The following CUBN variants were observed in gnomAD, a reference collection of about 807,000 sequenced individuals.
CUBN encodes cubilin.
In CUBN, 282 loss-of-function variants were observed where a neutral mutation model predicts 405.3. The observed-to-expected ratio is 0.70, with a 90% CI of 0.63 to 0.77. The LOEUF is 0.77. CUBN is among the 30% of genes least tolerant of loss of function. The probability of loss-of-function intolerance (pLI) is 0.00; values close to 1 mark genes in which losing one functional copy is unlikely to be tolerated. For synonymous variants in CUBN, 1,684 were observed against 1,617.0 expected, an observed-to-expected ratio of 1.04 and a Z score of -0.99; for missense variants, 4,514 against 4,475.2, an observed-to-expected ratio of 1.01 and a Z score of -0.25.
At chr10:16,840,615 C>T in intron 61 of CUBN, 80 bp from the exon 62 acceptor site, 2 of 1,177,728 alleles carry the variant, frequency 1.7e-6, no homozygotes, top group Non-Finnish European at 1.2e-6. Context: ...TCTGTCTTCC[C>T]TGCCTCCCAC....
chr10:16,862,193 C>CACAT (rs1448517605), intron 59 of CUBN, among the ~76,000 whole-genome samples: 2 of 151,036 alleles, frequency 1.3e-5, no homozygotes, highest in Non-Finnish European at 3.0e-5. Flanking sequence ...CACACACACA[C>CACAT]ATCACATCCC....
intron 12 of CUBN, among the ~76,000 whole-genome samples, chr10:17,103,837 C>T (rs1037010626): frequency 4.6e-5 from 7 of 152,048 alleles, no homozygotes; most frequent in Admixed American, 1.3e-4. Flanking sequence ...GGAGGTTTAT[C>T]GGGAGAAACA....
intron 57 of CUBN, 130 bp from the exon 58 acceptor site, chr10:16,874,633 C>A: frequency 9.3e-7 from 1 of 1,079,466 alleles, no homozygotes; most frequent in South Asian, 1.3e-5. Context: ...CTTAAAGTGA[C>A]TTATATCTCC....
At chr10:16,954,953 C>T (rs1255988984) in intron 31 of CUBN, among the ~76,000 whole-genome samples, 2 of 152,098 alleles carry the variant, frequency 1.3e-5, no homozygotes, top group Admixed American at 6.6e-5. Context: ...GTCAGAATCC[C>T]AACATTTGTT....
At chr10:17,028,963 T>C (rs1042742291) in intron 27 of CUBN, among the ~76,000 whole-genome samples, 3 of 152,178 alleles carry the variant, frequency 2.0e-5, no homozygotes, top group Non-Finnish European at 2.9e-5. Context: ...TGTCTGATAG[T>C]GGAAGAGACC....
chr10:17,037,642 A>G (rs917537153), intron 27 of CUBN, among the ~76,000 whole-genome samples: 2 of 152,228 alleles, frequency 1.3e-5, no homozygotes, highest in African/African-American at 4.8e-5. Context: ...ATACAAGAGA[A>G]CATGCAAAGG....
chr10:17,104,485 C>T lies in CUBN; in HGVS notation c.1351G>A (p.Val451Ile), dbSNP rs746956601. The T allele has an allele frequency of 1.7e-5, 27 of 1,614,002 alleles. No homozygotes were observed. Among genetic ancestry groups the T allele is most frequent in the Non-Finnish European group, 1.9e-5 (22 of 1,179,994 alleles). The change falls in exon 12 of 67, where the codon GTT (valine) becomes ATT (isoleucine). Residue 451 changes from valine to isoleucine, a missense_variant. Transcript: ENST00000377833. ...CLNGGTCVDG[V>I]DSFSCECTRL... The stretch of plus-strand genomic sequence containing the variant: ...GTGCATTCACAACTGAAAGAATCAA[C>T]GCCATCAACACAAGTTCCTCCATTC...
rs542514806 is a variant in CUBN at position 17,072,045 on chromosome 10, G to A, written c.2302-74C>T. 1.9e-4 allele frequency: 235 copies of A among 1,231,232 alleles called. 2 individuals are homozygous for A. The highest frequency in any genetic ancestry group is 1.1e-3 in the Middle Eastern group (4 of 3,798). 76.3% of individuals were successfully genotyped at this position (1,231,232 alleles called of 1,614,324 possible). On this transcript the variant is annotated intron_variant, in intron 17 of 66. Coordinates refer to ENST00000377833, the MANE Select transcript of CUBN (RefSeq NM_001081.4). ...GTCGGCAATGGTGGCGTTACTTGGAGATGAAAAAATGGCAGATTCAAAATG... is the reference window on the plus strand; with the variant it reads ...GTCGGCAATGGTGGCGTTACTTGGAAATGAAAAAATGGCAGATTCAAAATG...
At chr10:17,105,394 A>G in intron 11 of CUBN, 63 bp downstream of exon 11, 1 of 964,974 alleles carries the variant, frequency 1.0e-6, no homozygotes, top group South Asian at 1.3e-5. Flanking sequence ...ATAACGTTAC[A>G]TTTTATAGGC....
At chr10:17,034,836 C>T (rs1394812130) in intron 27 of CUBN, among the ~76,000 whole-genome samples, 1 of 151,988 alleles carries the variant, frequency 6.6e-6, no homozygotes, top group Non-Finnish European at 1.5e-5. Context: ...TGTCTTGTTC[C>T]CCCAAAAAAT....
intron 13 of CUBN, 139 bp from the exon 14 acceptor site, chr10:17,100,378 T>C: frequency 1.5e-6 from 1 of 672,750 alleles, no homozygotes; most frequent in Non-Finnish European, 2.7e-6. Flanking sequence ...CACCAGTACA[T>C]ATGGCAATCT....
intron 51 of CUBN, among the ~76,000 whole-genome samples, chr10:16,903,677 T>C (rs1035517616): frequency 6.8e-6 from 1 of 147,764 alleles, no homozygotes; most frequent in Non-Finnish European, 1.5e-5. Context: ...TATTATTAAT[T>C]ATTAAATAAT....
At chr10:16,869,185 A>C (rs936094335) in intron 59 of CUBN, among the ~76,000 whole-genome samples, 7 of 52,398 alleles carry the variant, frequency 1.3e-4, no homozygotes, top group African/African-American at 8.1e-4. Flanking sequence ...TTTTTTTTTG[A>C]GACAGAGTCT....
intron 13 of CUBN, among the ~76,000 whole-genome samples, chr10:17,102,667 C>T (rs1306262485): frequency 2.2e-5 from 3 of 133,872 alleles, no homozygotes; most frequent in Non-Finnish European, 4.6e-5. Flanking sequence ...AGTACAGTGG[C>T]ACTGTCTCTG....
chr10:17,089,417 T>C (rs1003006069), intron 14 of CUBN, among the ~76,000 whole-genome samples: 1 of 152,128 alleles, frequency 6.6e-6, no homozygotes, highest in Non-Finnish European at 1.5e-5. Flanking sequence ...TCCTAAAATA[T>C]AAAGAACTTC....
At chr10:17,077,144 T>G (rs1446429899) in intron 17 of CUBN, among the ~76,000 whole-genome samples, 1 of 152,204 alleles carries the variant, frequency 6.6e-6, no homozygotes, top group Non-Finnish European at 1.5e-5. Context: ...AAAATTCTAG[T>G]GTTTCACGGA....
rs1841253624 is a variant in CUBN, at chr10:16,898,316, T to C, written c.8598+680A>G. On this transcript the variant is annotated intron_variant, in intron 54 of 66. Coordinates refer to ENST00000377833, the MANE Select transcript of CUBN (RefSeq NM_001081.4). ...AGGAATCATGCTCTTCATTCTACAG[T>C]TGAATAACTTAAAGGCCAATTGTTT... 1.3e-5 allele frequency among the ~76,000 whole-genome samples: 2 copies of C among 152,052 alleles called. 1 individual carries two copies. The highest frequency in any genetic ancestry group is 4.1e-4 in the South Asian group (2 of 4,822).
chr10:16,874,813 C>T (rs1486079371), intron 57 of CUBN, among the ~76,000 whole-genome samples: 1 of 152,064 alleles, frequency 6.6e-6, no homozygotes, highest in African/African-American at 2.4e-5. Flanking sequence ...TTCACCATCA[C>T]TTAGCTGTAT....
At chr10:17,041,675 A>G (rs1835022421) in intron 26 of CUBN, among the ~76,000 whole-genome samples, 1 of 152,126 alleles carries the variant, frequency 6.6e-6, no homozygotes, top group African/African-American at 2.4e-5. Context: ...CAACAGTTTA[A>G]AAACCCAAAA....
Sources: allele counts gnomAD v4.1 joint callset (sites outside exome capture counted in the v4.1 genomes callset), GRCh38; gene constraint gnomAD v4.1.1; transcripts MANE v1.5; gene names NCBI Gene and HGNC (gene_info 2026-07-23, HGNC 2026-07-21).